The following ITPR1 variants were observed in gnomAD, a reference collection of about 807,000 sequenced individuals.
ITPR1 encodes the protein inositol 1,4,5-trisphosphate receptor type 1.
A neutral mutation model predicts 318.4 loss-of-function variants in ITPR1; 96 were observed. The observed-to-expected ratio is 0.30, with a 90% CI of 0.26 to 0.36. The LOEUF is 0.36. ITPR1 is among the 10% of genes least tolerant of loss of function. The pLI is 1.00. For synonymous variants in ITPR1, 1,312 were observed against 1,289.9 expected (o/e 1.02, Z -0.37); for missense variants, 2,440 against 3,460.2 (o/e 0.71, Z 7.40).
chr3:4,846,254 CT>C lies in ITPR1; in HGVS notation c.*33del. On this transcript the variant is annotated 3_prime_UTR_variant, in exon 62 of 62. Coordinates refer to ENST00000649015, the MANE Select transcript of ITPR1 (RefSeq NM_001378452.1). Reference sequence around the variant, plus strand: ...AATGAAAGAAAGGAATTGTATTTACCTTTTATAATTATTATTAGTGTGGGTA... The same window carrying C: ...AATGAAAGAAAGGAATTGTATTTACCTTTATAATTATTATTAGTGTGGGTA... 1 of 1,436,866 alleles carries C rather than the reference CT, an allele frequency of 7.0e-7. No homozygotes were observed. The highest frequency in any genetic ancestry group is 9.6e-7 in the Non-Finnish European group (1 of 1,043,666). The allele number at this position is 1,436,866 out of a possible 1,614,324, so 89.0% of individuals were successfully genotyped here.
chr3:4,698,886 A>G (rs2094599106), intron 34 of ITPR1, among the ~76,000 whole-genome samples: 1 of 152,210 alleles, frequency 6.6e-6, no homozygotes, highest in African/African-American at 2.4e-5. Flanking sequence ...TAACCCTCTC[A>G]ATGGCAAATC....
intron 12 of ITPR1, among the ~76,000 whole-genome samples, chr3:4,655,242 G>A (rs1480767248): frequency 7.9e-5 from 12 of 152,242 alleles, no homozygotes; most frequent in African/African-American, 2.6e-4. Flanking sequence ...CCATGCTGCC[G>A]TCTGTGGTGA....
chr3:4,639,085 A>G (rs1297095490), intron 5 of ITPR1, among the ~76,000 whole-genome samples: 5 of 151,956 alleles, frequency 3.3e-5, no homozygotes, highest in African/African-American at 1.2e-4. Flanking sequence ...CCCCGACCCT[A>G]TTTTCTTTGA....
At chr3:4,753,351 C>T (rs569129638) in intron 44 of ITPR1, among the ~76,000 whole-genome samples, 11 of 152,096 alleles carry the variant, frequency 7.2e-5, no homozygotes, top group Non-Finnish European at 1.6e-4. Flanking sequence ...TGGATATGCG[C>T]TGCCGCCGCC....
At chr3:4,837,036 T>C (rs2050974071) in intron 61 of ITPR1, 101 bp downstream of exon 61, 2 of 1,099,558 alleles carry the variant, frequency 1.8e-6, no homozygotes, top group African/African-American at 1.6e-5. Flanking sequence ...TAGTGCTTCA[T>C]CTAGATGGAA....
intron 20 of ITPR1, among the ~76,000 whole-genome samples, chr3:4,672,149 G>C (rs2094101027): frequency 6.6e-6 from 1 of 152,168 alleles, no homozygotes; most frequent in Non-Finnish European, 1.5e-5. Context: ...ATTTTTCTGA[G>C]TATATGTATG....
In ITPR1 at chr3:4,577,942, T is replaced by TTC. The variant is rs1435870937; in HGVS notation, c.164-49821_164-49820insTC. Among the ~76,000 whole-genome samples the TTC allele has an allele frequency of 9.2e-5, 14 of 152,346 alleles. No individual in the cohort carries two copies. In the East Asian group the frequency reaches 2.5e-3, roughly 27 times the overall value. On this transcript the variant is annotated intron_variant, in intron 4 of 61. Coordinates refer to ENST00000649015, the MANE Select transcript of ITPR1 (RefSeq NM_001378452.1). ...CTCCCCCACCTCAATCTTACATTAC[T>TTC]GCATAAGTTGGCATAGGCTGGCACA...
intron 4 of ITPR1, among the ~76,000 whole-genome samples, chr3:4,557,443 T>A (rs1198856318): frequency 6.6e-6 from 1 of 152,156 alleles, no homozygotes; most frequent in African/African-American, 2.4e-5. Context: ...AAGATGAGAT[T>A]TGGGTGGGGA....
rs1438166271 is a variant in ITPR1 at position 4,822,575 on chromosome 3, C to A, written c.8028+4333C>A. Among the ~76,000 whole-genome samples, 5 of 152,174 alleles carry A rather than the reference C, an allele frequency of 3.3e-5. 1 individual carries two copies. The highest frequency in any genetic ancestry group is 1.2e-4 in the African/African-American group (5 of 41,438). On this transcript the variant is annotated intron_variant, in intron 60 of 61. Coordinates refer to ENST00000649015, the MANE Select transcript of ITPR1 (RefSeq NM_001378452.1). Reference sequence around the variant, plus strand: ...TGGTTTCCTCCACTTGCTTTTACTGCCCAGAAGTAGAGCTTTCATTGATTT... The same window carrying A: ...TGGTTTCCTCCACTTGCTTTTACTGACCAGAAGTAGAGCTTTCATTGATTT...
intron 43 of ITPR1, among the ~76,000 whole-genome samples, chr3:4,733,638 G>A (rs2043082985): frequency 6.6e-6 from 1 of 152,122 alleles, no homozygotes; most frequent in Non-Finnish European, 1.5e-5. Context: ...TAAGTGCATT[G>A]CATTCTTTGT....
At chr3:4,532,475 C>T (rs976629004) in intron 4 of ITPR1, among the ~76,000 whole-genome samples, 2 of 152,098 alleles carry the variant, frequency 1.3e-5, no homozygotes, top group Non-Finnish European at 2.9e-5. Context: ...AGTGATCTTC[C>T]CCCCTCAGCC....
chr3:4,821,288 G>A (rs183295381), intron 60 of ITPR1, among the ~76,000 whole-genome samples: 215 of 152,314 alleles, frequency 1.4e-3, no homozygotes, highest in Middle Eastern at 3.4e-3. Context: ...GGATTACTCT[G>A]CAGCTCTCCT....
intron 2 of ITPR1, among the ~76,000 whole-genome samples, chr3:4,513,435 G>A (rs929739437): frequency 6.6e-6 from 1 of 152,188 alleles, no homozygotes; most frequent in Non-Finnish European, 1.5e-5. Flanking sequence ...GACCCCTGGG[G>A]AAGGATCTGT....
At chr3:4,743,809 C>G (rs751121669) in intron 44 of ITPR1, among the ~76,000 whole-genome samples, 1 of 152,130 alleles carries the variant, frequency 6.6e-6, no homozygotes, top group Non-Finnish European at 1.5e-5. Context: ...AACCTAGAAG[C>G]AGGAATTTGT....
chr3:4,802,009 G>A (rs563715317), intron 54 of ITPR1, among the ~76,000 whole-genome samples: 1 of 152,258 alleles, frequency 6.6e-6, no homozygotes, highest in African/African-American at 2.4e-5. Flanking sequence ...CTGAATTTTA[G>A]GATAAAGCAA....
At chr3:4,615,416 G>T (rs1226940081) in intron 4 of ITPR1, among the ~76,000 whole-genome samples, 4 of 115,074 alleles carry the variant, frequency 3.5e-5, no homozygotes, top group Admixed American at 3.4e-4. Context: ...TGCTCTTGTT[G>T]CCCAGGCTGG....
chr3:4,837,573 G>A (rs902801129), intron 61 of ITPR1, among the ~76,000 whole-genome samples: 5 of 151,800 alleles, frequency 3.3e-5, no homozygotes, highest in East Asian at 2.0e-4. Flanking sequence ...TAAATGCTTC[G>A]CCCTTATCTT....
At chr3:4,569,166 A>T (rs1231112876) in intron 4 of ITPR1, among the ~76,000 whole-genome samples, 1 of 152,168 alleles carries the variant, frequency 6.6e-6, no homozygotes, top group Non-Finnish European at 1.5e-5. Flanking sequence ...TTCAAGGCGC[A>T]TGGACTTTTA....
intron 44 of ITPR1, among the ~76,000 whole-genome samples, chr3:4,736,681 A>C (rs530999159): frequency 3.2e-4 from 49 of 151,316 alleles, no homozygotes; most frequent in African/African-American, 1.1e-3. Context: ...TTATTTTGTC[A>C]TGTGTGTGTG....
Sources: gnomAD v4.1 joint callset for allele counts (sites outside exome capture counted in the v4.1 genomes callset) on GRCh38, gnomAD v4.1.1 for gene constraint, MANE v1.5 for transcripts, NCBI Gene and HGNC (gene_info 2026-07-23, HGNC 2026-07-21) for gene names.